The following VPS13B variants were observed in gnomAD, a reference collection of about 807,000 sequenced individuals.
VPS13B encodes intermembrane lipid transfer protein VPS13B.
A neutral mutation model predicts 426.4 loss-of-function variants in VPS13B; 285 were observed. That is an observed-to-expected ratio of 0.67 (90% CI 0.61 to 0.74). VPS13B has a LOEUF of 0.74. Ranked by LOEUF, VPS13B falls within the 30% of genes least tolerant of loss-of-function variation. The probability of loss-of-function intolerance (pLI) is 0.00; values close to 1 mark genes in which losing one functional copy is unlikely to be tolerated. For missense variants in VPS13B, 4,537 were observed against 4,782.6 expected (o/e 0.95, Z 1.51); for synonymous variants, 1,676 against 1,676.4 (o/e 1.00, Z 0.01).
chr8:99,193,789 T>C (rs1199793992), intron 17 of VPS13B, among the ~76,000 whole-genome samples: 2 of 152,198 alleles, frequency 1.3e-5, no homozygotes, highest in African/African-American at 4.8e-5. Flanking sequence ...ACATCATAAT[T>C]AGAGTTTTCT....
chr8:99,391,425 T>G, intron 20 of VPS13B, 132 bp from the exon 21 acceptor site: 1 of 1,401,372 alleles, frequency 7.1e-7, no homozygotes, highest in Non-Finnish European at 9.8e-7. Context: ...AGAGATTGAT[T>G]GATTTACAAT....
At chr8:99,667,880 G>C (rs1157220756) in intron 35 of VPS13B, among the ~76,000 whole-genome samples, 3 of 151,992 alleles carry the variant, frequency 2.0e-5, no homozygotes, top group Non-Finnish European at 2.9e-5. Context: ...CAGCTCTTAG[G>C]GAATAGGATA....
intron 2 of VPS13B, among the ~76,000 whole-genome samples, chr8:99,028,345 A>AC (rs1275648280): frequency 6.0e-4 from 81 of 134,598 alleles, no homozygotes; most frequent in African/African-American, 1.8e-3. Flanking sequence ...CAGGGGGCTG[A>AC]CCCCCCCACC....
chr8:99,865,816 C>T (rs1464567758), intron 58 of VPS13B, among the ~76,000 whole-genome samples: 1 of 152,184 alleles, frequency 6.6e-6, no homozygotes, highest in African/African-American at 2.4e-5. Flanking sequence ...TTGCCAGAAA[C>T]AAAATTACAC....
chr8:99,112,800 A>T (rs1004710198), intron 6 of VPS13B, among the ~76,000 whole-genome samples: 2 of 152,190 alleles, frequency 1.3e-5, no homozygotes, highest in African/African-American at 4.8e-5. Context: ...ATGTGGTTAT[A>T]TTAGAGGAAG....
intron 31 of VPS13B, among the ~76,000 whole-genome samples, chr8:99,565,943 G>A (rs528765279): frequency 6.6e-6 from 1 of 152,260 alleles, no homozygotes; most frequent in South Asian, 2.1e-4. Flanking sequence ...CTACTTGAAT[G>A]ATATGATTTT....
At chr8:99,170,292 G>A in intron 16 of VPS13B, 129 bp downstream of exon 16, 8 of 1,179,956 alleles carry the variant, frequency 6.8e-6, no homozygotes, top group Non-Finnish European at 9.6e-6. Context: ...ATCTAAACTT[G>A]TACTTTTACT....
At chr8:99,430,512 A>G (rs78753629) in intron 21 of VPS13B, among the ~76,000 whole-genome samples, 3,107 of 152,284 alleles carry the variant, frequency 0.02, 115 homozygotes, top group African/African-American at 0.071. Context: ...ATACATTACT[A>G]TAAATTACTC....
chr8:99,679,554 T>C (rs1370099318), intron 35 of VPS13B, among the ~76,000 whole-genome samples: 1 of 152,210 alleles, frequency 6.6e-6, no homozygotes, highest in Non-Finnish European at 1.5e-5. Context: ...ATCCCAGTGA[T>C]AAGTATCATG....
chr8:99,624,667 C>T (rs185661433), intron 33 of VPS13B, among the ~76,000 whole-genome samples: 8 of 152,258 alleles, frequency 5.3e-5, no homozygotes, highest in African/African-American at 1.7e-4. Flanking sequence ...TATTTACCCC[C>T]ACTTTTAATG....
intron 17 of VPS13B, among the ~76,000 whole-genome samples, chr8:99,249,613 C>T (rs962997351): frequency 1.3e-5 from 2 of 151,748 alleles, no homozygotes; most frequent in South Asian, 2.1e-4. Flanking sequence ...TTAGTAGAGA[C>T]GGGGTTTCAC....
chr8:99,605,922 G>T (rs888318669), intron 33 of VPS13B, among the ~76,000 whole-genome samples: 2 of 152,102 alleles, frequency 1.3e-5, no homozygotes, highest in African/African-American at 4.8e-5. Context: ...TTGAGACAAG[G>T]TCCCACTGTA....
intron 3 of VPS13B, among the ~76,000 whole-genome samples, chr8:99,086,114 G>GT (rs1173231790): frequency 6.6e-6 from 1 of 151,994 alleles, no homozygotes; most frequent in Non-Finnish European, 1.5e-5. Context: ...CATAGATTTG[G>GT]TTTTTTCACA....
At chr8:99,759,223 C>T (rs931931444) in intron 39 of VPS13B, among the ~76,000 whole-genome samples, 1 of 152,158 alleles carries the variant, frequency 6.6e-6, no homozygotes, top group East Asian at 1.9e-4. Context: ...CTCCCATGCA[C>T]AAGCCCTGGA....
chr8:99,228,753 C>T (rs1366207061), intron 17 of VPS13B, among the ~76,000 whole-genome samples: 1 of 151,872 alleles, frequency 6.6e-6, no homozygotes, highest in African/African-American at 2.4e-5. Context: ...GTACAGATTG[C>T]GGGAGCTCCT....
chr8:99,832,754 T>G, intron 52 of VPS13B, 102 bp downstream of exon 52: 1 of 1,178,860 alleles, frequency 8.5e-7, no homozygotes, highest in Non-Finnish European at 1.2e-6. Flanking sequence ...TCCCCATATG[T>G]AATATTAGGC....
chr8:99,413,332 T>C (rs1393734713), intron 21 of VPS13B, among the ~76,000 whole-genome samples: 1 of 152,210 alleles, frequency 6.6e-6, no homozygotes, highest in African/African-American at 2.4e-5. Context: ...CTAGATTTTC[T>C]AGTTTATTTG....
At chr8:99,321,212 T>TTC (rs1244418836) in intron 19 of VPS13B, among the ~76,000 whole-genome samples, 1 of 6,308 alleles carries the variant, frequency 1.6e-4, no homozygotes, top group African/African-American at 9.9e-4. Flanking sequence ...TTCTTTTTCT[T>TTC]TTTTTTTTTT....
intron 29 of VPS13B, among the ~76,000 whole-genome samples, chr8:99,519,026 A>G (rs1822234598): frequency 6.6e-6 from 1 of 152,216 alleles, no homozygotes; most frequent in Non-Finnish European, 1.5e-5. Context: ...ACATTTTTTA[A>G]ACAGGGTTTA....
Sources: allele counts gnomAD v4.1 joint callset (sites outside exome capture counted in the v4.1 genomes callset), GRCh38; gene constraint gnomAD v4.1.1; transcripts MANE v1.5; gene names NCBI Gene and HGNC (gene_info 2026-07-23, HGNC 2026-07-21).